Variants in POLE2 observed in about 807,000 individuals in gnomAD.
POLE2 encodes DNA polymerase epsilon subunit 2.
POLE2 carries 56 observed loss-of-function variants against 79.4 expected under a neutral mutation model. The observed-to-expected ratio is 0.71, with a 90% CI of 0.57 to 0.88. The LOEUF is 0.88. Ranked by LOEUF, POLE2 falls within the 40% of genes least tolerant of loss-of-function variation. The pLI is 0.00. For synonymous variants in POLE2, 212 were observed against 214.0 expected (o/e 0.99, Z 0.08); for missense variants, 598 against 638.9 (o/e 0.94, Z 0.69).
chr14:49,663,438 G>A (rs376105254), intron 9 of POLE2, 51 bp from the exon 10 acceptor site: 1 of 1,264,816 alleles, frequency 7.9e-7, no homozygotes, highest in Non-Finnish European at 1.1e-6. Flanking sequence ...ATGTTTGAAA[G>A]GACAAAATTA....
intron 9 of POLE2, among the ~76,000 whole-genome samples, chr14:49,664,119 C>T (rs571468010): frequency 1.3e-5 from 2 of 151,534 alleles, no homozygotes; most frequent in African/African-American, 2.4e-5. Flanking sequence ...GAGGCCGAGG[C>T]GGGTGGACTG....
chr14:49,645,043 C>CAAAAAAAAAAAAAAAAAAAA (rs527251561), intron 18 of POLE2, among the ~76,000 whole-genome samples: 36 of 88,182 alleles, frequency 4.1e-4, no homozygotes, highest in Admixed American at 9.5e-4. Flanking sequence ...CTCCGTCTCA[C>CAAAAAAAAAAAAAAAAAAAA]AAAAAAAAAA....
At chr14:49,663,137 C>T (rs1296062230) in intron 10 of POLE2, among the ~76,000 whole-genome samples, 178 bp downstream of exon 10, 1 of 152,212 alleles carries the variant, frequency 6.6e-6, no homozygotes, top group Non-Finnish European at 1.5e-5. Flanking sequence ...GTTGGCCAAT[C>T]TGCTAGTTTT....
chr14:49,685,933 T>C (rs1887103524), intron 1 of POLE2, among the ~76,000 whole-genome samples: 1 of 152,194 alleles, frequency 6.6e-6, no homozygotes, highest in African/African-American at 2.4e-5. Context: ...AGCCAAGTCC[T>C]GCTCATTCTT....
intron 11 of POLE2, 78 bp downstream of exon 11, chr14:49,655,593 A>T: frequency 1.1e-6 from 1 of 937,412 alleles, no homozygotes; most frequent in Admixed American, 2.4e-5. Flanking sequence ...ACTCAAAAAG[A>T]TAAATAGAAT....
At chr14:49,681,488 G>C (rs1886697917) in intron 2 of POLE2, 1 of 152,460 alleles carries the variant, frequency 6.6e-6, no homozygotes, top group Non-Finnish European at 1.5e-5. Context: ...AGAAAGAGAG[G>C]AGGGGCCAGG....
chr14:49,676,892 G>A (rs1566564825), intron 3 of POLE2, among the ~76,000 whole-genome samples: 1 of 152,232 alleles, frequency 6.6e-6, no homozygotes, highest in Non-Finnish European at 1.5e-5. Flanking sequence ...TGATCCCTGG[G>A]CGCTTAGTGC....
At position 49,645,043 on chromosome 14, in the gene POLE2, C is replaced by CAAAAAAAAAAAAAA. The variant is rs527251561; in HGVS notation, c.1566-1387_1566-1374dup. Among the ~76,000 whole-genome samples, 184 of 88,250 alleles carry CAAAAAAAAAAAAAA rather than the reference C, an allele frequency of 2.1e-3. 4 individuals are homozygous for CAAAAAAAAAAAAAA. Among genetic ancestry groups the CAAAAAAAAAAAAAA allele is most frequent in the African/African-American group, 4.2e-3 (106 of 25,428 alleles). 57.9% of individuals were successfully genotyped at this position (88,250 alleles called of 152,430 possible). ...GGCAACAGAGCAAAACTCCGTCTCA[C>CAAAAAAAAAAAAAA]AAAAAAAAAAAAAAACACTGCAGTA... On this transcript the variant is annotated intron_variant, in intron 18 of 18. Transcript: ENST00000216367.
chr14:49,680,757 C>CT (rs939921911), intron 2 of POLE2, among the ~76,000 whole-genome samples: 337 of 140,916 alleles, frequency 2.4e-3, no homozygotes, highest in South Asian at 4.9e-3. Context: ...GTATCATTTT[C>CT]TTTTTTTTTT....
chr14:49,674,142 C>A lies in POLE2; in HGVS notation c.398G>T (p.Arg133Leu), dbSNP rs773570956. ...ACTTACCTGGTGCAAAATGGTATAT[C>A]GCTCACGAAACATCTCTGCTTTATC... ...PRDKAEMFRE[R>L]YTILHQRTHR... Residue 133 changes from arginine to leucine, a missense_variant, in exon 5 of 19, where the codon CGA (arginine) becomes CTA (leucine). Physicochemically the swap from Arg to Leu is moderately radical, Grantham distance 102. Coordinates refer to ENST00000216367, the MANE Select transcript of POLE2 (RefSeq NM_002692.4). 1.9e-6 allele frequency: 3 copies of A among 1,611,776 alleles called. No individual in the cohort carries two copies. The highest frequency in any genetic ancestry group is 2.5e-6 in the Non-Finnish European group (3 of 1,178,056).
intron 7 of POLE2, 43 bp from the exon 8 acceptor site, chr14:49,665,206 G>T: frequency 3.7e-6 from 3 of 817,706 alleles, no homozygotes; most frequent in Middle Eastern, 4.6e-4. Context: ...ATGTAACAAT[G>T]AAAACCGTTG....
Position 49,664,615 on chromosome 14 carries a change from T to A in POLE2, c.682+11A>T, listed in dbSNP as rs1377449437. On this transcript the variant is annotated intron_variant, in intron 9 of 18. Coordinates refer to ENST00000216367, the MANE Select transcript of POLE2 (RefSeq NM_002692.4). Reference sequence around the variant, plus strand: ...TGAGAAGAAGGACAGTAACAAAGTATACTGACTTACCTTCTGCTAAGACAA... The same window carrying A: ...TGAGAAGAAGGACAGTAACAAAGTAAACTGACTTACCTTCTGCTAAGACAA... The A allele has an allele frequency of 1.9e-6, 3 of 1,550,170 alleles. No individual in the cohort carries two copies. The highest frequency in any genetic ancestry group is 4.5e-5 in the East Asian group (2 of 44,532).
At position 49,669,561 on chromosome 14, in the gene POLE2, A is replaced by G. The variant is rs1424624568; in HGVS notation, c.455T>C (p.Ile152Thr). 3 of 1,601,444 alleles carry G rather than the reference A, an allele frequency of 1.9e-6. No individual in the cohort carries two copies. Among genetic ancestry groups the G allele is most frequent in the Non-Finnish European group, 1.7e-6 (2 of 1,168,654 alleles). The change falls in exon 6 of 19, where the codon ATA becomes ACA. Residue 152 changes from isoleucine (I) to threonine (T), a missense_variant. By Grantham distance (89) the Ile-to-Thr change is moderately conservative. Transcript: ENST00000216367. ...HRHELFTPPV[I>T]GSHPDESGSK... Reference sequence around the variant, plus strand: ...TCCGCTTTCATCAGGGTGAGAACCTATCACCGGAGGAGTAAATAATTCATG... The same window carrying G: ...TCCGCTTTCATCAGGGTGAGAACCTGTCACCGGAGGAGTAAATAATTCATG...
chr14:49,651,237 A>G, intron 16 of POLE2, 32 bp downstream of exon 16: 1 of 922,878 alleles, frequency 1.1e-6, no homozygotes, highest in Non-Finnish European at 1.8e-6. Flanking sequence ...GCAACATGTA[A>G]GGCAGTTTAA....
At chr14:49,657,133 T>C (rs1884744495) in intron 10 of POLE2, among the ~76,000 whole-genome samples, 1 of 151,180 alleles carries the variant, frequency 6.6e-6, no homozygotes, top group South Asian at 2.1e-4. Flanking sequence ...AAAAAAATTG[T>C]AGTCAGCCAA....
chr14:49,643,663 G>A lies in POLE2; in HGVS notation c.1573C>T (p.Gln525Ter). The A allele has an allele frequency of 7.1e-7, 1 of 1,400,462 alleles. No homozygotes were observed. The highest frequency in any genetic ancestry group is 9.9e-7 in the Non-Finnish European group (1 of 1,006,602). The allele number at this position is 1,400,462 out of a possible 1,614,324, so 86.8% of individuals were successfully genotyped here. A position where few individuals can be genotyped will look rare whatever the true frequency, so the allele number is the denominator to read the frequency against. ...SNKTVEDSKL[Q>*]GF ...GATCTTTAAGAATCTCAAAAGCCTT[G>A]AAGTTTGCTGAAAATAGAAAAAAAA... The change falls in exon 19 of 19, where the codon CAA (glutamine) becomes TAA (stop). Residue 525 changes from glutamine to a stop codon, truncating the protein, a stop_gained. Transcript: ENST00000216367. LOFTEE classifies it high-confidence loss of function.
chr14:49,662,024 A>G (rs1383406849), intron 10 of POLE2, among the ~76,000 whole-genome samples: 1 of 152,242 alleles, frequency 6.6e-6, no homozygotes, highest in Non-Finnish European at 1.5e-5. Flanking sequence ...CTTGTACAAA[A>G]CAAAAATACC....
chr14:49,653,891 T>C (rs948976406), intron 15 of POLE2, 99 bp downstream of exon 15: 3 of 668,834 alleles, frequency 4.5e-6, no homozygotes, highest in Non-Finnish European at 5.2e-6. Flanking sequence ...CCTGCCTGCC[T>C]CGGCCTCCCA....
At chr14:49,646,063 G>A (rs1039201001) in intron 18 of POLE2, among the ~76,000 whole-genome samples, 2 of 152,198 alleles carry the variant, frequency 1.3e-5, no homozygotes, top group Non-Finnish European at 2.9e-5. Context: ...ACAAAATCAA[G>A]TGCCCTCAGG....
Sources: allele counts gnomAD v4.1 joint callset (sites outside exome capture counted in the v4.1 genomes callset), GRCh38; gene constraint gnomAD v4.1.1; transcripts MANE v1.5; gene names NCBI Gene and HGNC (gene_info 2026-07-23, HGNC 2026-07-21).